CRMP1: variants seen among roughly 807,000 people sequenced by gnomAD.
The protein encoded by CRMP1 is dihydropyrimidinase-related protein 1.
CRMP1 carries 19 observed loss-of-function variants against 68.3 expected under a neutral mutation model. That is an observed-to-expected ratio of 0.28 (90% CI 0.19 to 0.41). CRMP1 has a LOEUF of 0.41. Among genes scored for constraint, CRMP1 ranks in the 10% least tolerant of loss-of-function variants. The pLI is 1.00. For missense variants in CRMP1, 791 were observed against 967.4 expected (o/e 0.82, Z 2.42); for synonymous variants, 439 against 399.6 (o/e 1.10, Z -1.18).
chr4:5,892,448 G>C lies in CRMP1; in HGVS notation c.381+141C>G. 3.5e-6 allele frequency: 3 copies of C among 853,016 alleles called. No homozygotes were observed. Among genetic ancestry groups the C allele is most frequent in the Non-Finnish European group, 4.5e-6 (3 of 670,642 alleles). The allele number at this position is 853,016 out of a possible 1,614,324, so 52.8% of individuals were successfully genotyped here. A position where few individuals can be genotyped will look rare whatever the true frequency, so the allele number is the denominator to read the frequency against. On this transcript the variant is annotated intron_variant, in intron 1 of 13. Coordinates refer to ENST00000324989, the MANE Select transcript of CRMP1 (RefSeq NM_001014809.3). This position sits in a 1 kb window ranked among gnomAD's most constrained non-coding sequence, Gnocchi z 8.6. ...GAACCTCTTGCATGATGAGGTGGGG[G>C]AGGGGCCGCGCCGTGGCTCTCCCCA... is the stretch of plus-strand genomic sequence containing the variant.
At chr4:5,836,560 G>A (rs1194575035) in intron 10 of CRMP1, among the ~76,000 whole-genome samples, 1 of 152,214 alleles carries the variant, frequency 6.6e-6, no homozygotes, top group Non-Finnish European at 1.5e-5. Flanking sequence ...AAGGACAAGG[G>A]TGACATCCAC....
Position 5,859,709 on chromosome 4 carries a change from C to T in CRMP1, c.655+1317G>A, listed in dbSNP as rs988869329. Among the ~76,000 whole-genome samples the T allele has an allele frequency of 3.3e-5, 5 of 152,162 alleles. No homozygotes were observed. Among genetic ancestry groups the T allele is most frequent in the Admixed American group, 2.0e-4 (3 of 15,280 alleles). ...TCCCATTTCCCATCCAGCAGATCCA[C>T]GGGCTGCCCTTTGGAAGAGGGATCA... On this transcript the variant is annotated intron_variant, in intron 3 of 13. Transcript: ENST00000324989. The surrounding 1 kb of genome is among the most constrained non-coding windows in gnomAD (Gnocchi z 5.2).
In CRMP1 at chr4:5,855,547, G is replaced by A. The variant is rs576834433; in HGVS notation, c.820+596C>T. Among the ~76,000 whole-genome samples, 7 of 152,340 alleles carry A rather than the reference G, an allele frequency of 4.6e-5. No homozygotes were observed. The highest frequency in any genetic ancestry group is 1.4e-4 in the African/African-American group (6 of 41,580). On this transcript the variant is annotated intron_variant, in intron 4 of 13. Transcript: ENST00000324989. This position sits in a 1 kb window ranked among gnomAD's most constrained non-coding sequence, Gnocchi z 4.9. ...CCCAAACAGAGGGGAGCCAAGGTGG[G>A]AAGCAGGGACATATAGACGTGGTCC...
In CRMP1 at chr4:5,858,943, C is replaced by T. The variant is rs1713340992; in HGVS notation, c.655+2083G>A. On this transcript the variant is annotated intron_variant, in intron 3 of 13. Transcript: ENST00000324989. This position sits in a 1 kb window ranked among gnomAD's most constrained non-coding sequence, Gnocchi z 5.5. ...CTGGGGCTCTGCTTTTCTCTGCCCTCTTCTCCCGGTTAATTCCAACTCATC... is the reference window on the plus strand; with the variant it reads ...CTGGGGCTCTGCTTTTCTCTGCCCTTTTCTCCCGGTTAATTCCAACTCATC... Among the ~76,000 whole-genome samples the T allele has an allele frequency of 6.6e-6, 1 of 152,220 alleles. No homozygotes were observed. The highest frequency in any genetic ancestry group is 6.5e-5 in the Admixed American group (1 of 15,282).
In CRMP1 at chr4:5,877,909, T is replaced by C. The variant is rs1714952793; in HGVS notation, c.382-11153A>G. ...GAGTGGGCAGGGCCTGCACGCTGCA[T>C]AGGGAAAGACGATGCTAGCTGCATG... On this transcript the variant is annotated intron_variant, in intron 1 of 13. Transcript: ENST00000324989. This position sits in a 1 kb window ranked among gnomAD's most constrained non-coding sequence, Gnocchi z 4.3. Among the ~76,000 whole-genome samples the C allele has an allele frequency of 6.6e-6, 1 of 152,192 alleles. No homozygotes were observed. Among genetic ancestry groups the C allele is most frequent in the African/African-American group, 2.4e-5 (1 of 41,444 alleles).
intron 1 of CRMP1, among the ~76,000 whole-genome samples, chr4:5,873,364 G>C (rs1714595934): frequency 6.6e-6 from 1 of 152,198 alleles, no homozygotes; most frequent in African/African-American, 2.4e-5. Context: ...ATGCCATAAA[G>C]AAATGCCTGA....
intron 1 of CRMP1, among the ~76,000 whole-genome samples, chr4:5,884,825 C>A (rs1403139546): frequency 6.6e-6 from 1 of 152,068 alleles, no homozygotes. Flanking sequence ...ACTGAGCAGG[C>A]CTCCCCACTT....
At position 5,824,514 on chromosome 4, in the gene CRMP1, C is replaced by G; in HGVS notation, c.1969+980G>C. 4 of 985,300 alleles carry G rather than the reference C, an allele frequency of 4.1e-6. No homozygotes were observed. In the South Asian group the frequency reaches 1.9e-4, roughly 46 times the overall value. 61.0% of individuals were successfully genotyped at this position (985,300 alleles called of 1,614,324 possible). A position where few individuals can be genotyped will look rare whatever the true frequency, so the allele number is the denominator to read the frequency against. On this transcript the variant is annotated intron_variant, in intron 13 of 13. Coordinates refer to ENST00000324989, the MANE Select transcript of CRMP1 (RefSeq NM_001014809.3). Reference sequence around the variant, plus strand: ...TCTCTCTCTCTCTTTGCCCCTTCCACTCTCTCTTTTGCTAAGCATATCGCC... The same window carrying G: ...TCTCTCTCTCTCTTTGCCCCTTCCAGTCTCTCTTTTGCTAAGCATATCGCC...
At chr4:5,851,620 G>C in intron 4 of CRMP1, 151 bp from the exon 5 acceptor site, 2 of 751,682 alleles carry the variant, frequency 2.7e-6, no homozygotes, top group South Asian at 3.3e-5. Flanking sequence ...CCAGCCTGAG[G>C]ATGTGGGCGA....
In CRMP1 at chr4:5,891,189, C is replaced by G. The variant is rs555549561; in HGVS notation, c.381+1400G>C. Among the ~76,000 whole-genome samples the G allele has an allele frequency of 6.9e-6, 1 of 145,874 alleles. No individual in the cohort carries two copies. The highest frequency in any genetic ancestry group is 2.5e-5 in the African/African-American group (1 of 40,346). On this transcript the variant is annotated intron_variant, in intron 1 of 13. Transcript: ENST00000324989. The surrounding 1 kb of genome is among the most constrained non-coding windows in gnomAD (Gnocchi z 5.2). Reference sequence around the variant, plus strand: ...CCACACACACATACACACACACACACACACACACACACACACACACACACC... The same window carrying G: ...CCACACACACATACACACACACACAGACACACACACACACACACACACACC...
chr4:5,856,039 G>A lies in CRMP1; in HGVS notation c.820+104C>T, dbSNP rs577702107. On this transcript the variant is annotated intron_variant, in intron 4 of 13. Transcript: ENST00000324989. The stretch of plus-strand genomic sequence containing the variant: ...GTGGCAGAGTGCAGCTCATAATCAG[G>A]CTCAGAACAGATGCAGACAGGGGGA... 151 of 1,368,660 alleles carry A rather than the reference G, an allele frequency of 1.1e-4. 3 individuals are homozygous for A. The East Asian group carries it at 3.4e-3, about 31-fold the overall frequency. 84.8% of individuals were successfully genotyped at this position (1,368,660 alleles called of 1,614,324 possible). A position where few individuals can be genotyped will look rare whatever the true frequency, so the allele number is the denominator to read the frequency against.
intron 11 of CRMP1, among the ~76,000 whole-genome samples, chr4:5,829,431 C>T (rs751986728): frequency 3.9e-5 from 6 of 152,142 alleles, no homozygotes; most frequent in Non-Finnish European, 5.9e-5. Flanking sequence ...TTCCATTATT[C>T]TTCAAGTGAA....
In CRMP1 at chr4:5,843,413, G is replaced by A. The variant is rs913376519; in HGVS notation, c.964-252C>T. Among the ~76,000 whole-genome samples, 3 of 152,092 alleles carry A rather than the reference G, an allele frequency of 2.0e-5. No individual in the cohort carries two copies. The highest frequency in any genetic ancestry group is 7.2e-5 in the African/African-American group (3 of 41,430). On this transcript the variant is annotated intron_variant, in intron 6 of 13. Coordinates refer to ENST00000324989, the MANE Select transcript of CRMP1 (RefSeq NM_001014809.3). This position sits in a 1 kb window ranked among gnomAD's most constrained non-coding sequence, Gnocchi z 4.1. ...TTATATTGAATCTCCCGGGATCAAT[G>A]AGAGGAAGCAGGGTTATAAGACACG...
In CRMP1 at chr4:5,890,963, C is replaced by A. The variant is rs914327974; in HGVS notation, c.381+1626G>T. Among the ~76,000 whole-genome samples the A allele has an allele frequency of 3.3e-5, 5 of 152,106 alleles. No homozygotes were observed. The highest frequency in any genetic ancestry group is 1.2e-4 in the African/African-American group (5 of 41,426). ...AGCTGAGGCCCAAGAGAGCAAAGCG[C>A]CTTGGCTGGAAACCCGGATTCCCTG... On this transcript the variant is annotated intron_variant, in intron 1 of 13. Coordinates refer to ENST00000324989, the MANE Select transcript of CRMP1 (RefSeq NM_001014809.3). The surrounding 1 kb of genome is among the most constrained non-coding windows in gnomAD (Gnocchi z 5.5).
In CRMP1 at chr4:5,855,706, T is replaced by C. The variant is rs1713007151; in HGVS notation, c.820+437A>G. On this transcript the variant is annotated intron_variant, in intron 4 of 13. Transcript: ENST00000324989. The surrounding 1 kb of genome is among the most constrained non-coding windows in gnomAD (Gnocchi z 4.9). ...ATTGGCTATTCAAGGAATGAAGCAATGGGAGAAGGTAATGGTTGAGTTGGG... is the reference window on the plus strand; with the variant it reads ...ATTGGCTATTCAAGGAATGAAGCAACGGGAGAAGGTAATGGTTGAGTTGGG... 6.6e-6 allele frequency among the ~76,000 whole-genome samples: 1 copy of C among 151,910 alleles called. No individual in the cohort carries two copies. The highest frequency in any genetic ancestry group is 2.1e-4 in the South Asian group (1 of 4,802).
chr4:5,875,519 G>C (rs192615581), intron 1 of CRMP1, among the ~76,000 whole-genome samples: 3 of 152,114 alleles, frequency 2.0e-5, no homozygotes, highest in South Asian at 4.1e-4. Flanking sequence ...CTGTTATTAC[G>C]GTGACAGAGA....
At position 5,854,168 on chromosome 4, in the gene CRMP1, A is replaced by G. The variant is rs1712867473; in HGVS notation, c.820+1975T>C. Among the ~76,000 whole-genome samples the G allele has an allele frequency of 1.3e-5, 2 of 152,224 alleles. No homozygotes were observed. Among genetic ancestry groups the G allele is most frequent in the Non-Finnish European group, 2.9e-5 (2 of 68,044 alleles). On this transcript the variant is annotated intron_variant, in intron 4 of 13. Coordinates refer to ENST00000324989, the MANE Select transcript of CRMP1 (RefSeq NM_001014809.3). This position sits in a 1 kb window ranked among gnomAD's most constrained non-coding sequence, Gnocchi z 4.0. ...AACTTAACATTAGGTAAGGAAAGTA[A>G]GATACAAGACTGTCAATTTCCTTGG...
rs1354108231 is a variant in CRMP1, at chr4:5,856,204, C to T, written c.759G>A (p.Val253=). The change falls in exon 4 of 14, where the codon GTG becomes GTA. Residue 253 remains valine (V), a synonymous_variant. Transcript: ENST00000324989. ...TKSCCDYSLH[V]DITSWYDGVR... is the part of the protein sequence containing the mutation. ...CGCCATCGTACCAGCTTGTGATGTC[C>T]ACGTGGAGGGAGTAATCACAGCAGG... The T allele has an allele frequency of 1.2e-6, 2 of 1,614,036 alleles. No homozygotes were observed. Among genetic ancestry groups the T allele is most frequent in the Non-Finnish European group, 8.5e-7 (1 of 1,179,908 alleles).
chr4:5,856,020 G>C, intron 4 of CRMP1, 123 bp downstream of exon 4: 3 of 1,116,158 alleles, frequency 2.7e-6, no homozygotes, highest in Non-Finnish European at 3.9e-6. Context: ...TCACGTGGCA[G>C]AGTGCAGCTC....
Sources: allele counts gnomAD v4.1 joint callset (sites outside exome capture counted in the v4.1 genomes callset), GRCh38; gene constraint gnomAD v4.1.1; non-coding constraint Gnocchi (gnomAD v3.1); transcripts MANE v1.5; gene names NCBI Gene and HGNC (gene_info 2026-07-23, HGNC 2026-07-21).